Variants in TBL3 observed in about 807,000 individuals in gnomAD.
The protein encoded by TBL3 is transducin beta like 3, also known as transducin beta-like protein 3.
Under a neutral mutation model 102.7 loss-of-function variants are expected in TBL3, and 71 were observed. That is an observed-to-expected ratio of 0.69 (90% confidence interval 0.57 to 0.84). TBL3 has a LOEUF of 0.84. Ranked by LOEUF, TBL3 falls within the 40% of genes least tolerant of loss-of-function variation. The pLI, the probability that TBL3 is intolerant of heterozygous loss-of-function variation, is 0.00. For synonymous variants in TBL3, 578 were observed against 477.7 expected, an observed-to-expected ratio of 1.21 and a Z score of -2.74; for missense variants, 1,188 against 1,098.5, an observed-to-expected ratio of 1.08 and a Z score of -1.15.
rs557607202 is a variant in TBL3 at position 1,981,806 on chromosome 16, A to G, written c.*3121A>G. ...ATGCGTAATTATTGTGAGCTGTTCT[A>G]TACATGCTGGGGGAGGGGCAGACCT... On this transcript the variant is annotated 3_prime_UTR_variant, in exon 22 of 22. Transcript: ENST00000568546. 2 of 153,348 alleles carry G rather than the reference A, an allele frequency of 1.3e-5. No homozygotes were observed. The highest frequency in any genetic ancestry group is 4.8e-5 in the African/African-American group (2 of 41,554). The allele number at this position is 153,348 out of a possible 1,614,324, so 9.5% of individuals were successfully genotyped here.
chr16:1,974,954 C>G lies in TBL3; in HGVS notation c.491C>G (p.Thr164Arg). Residue 164 changes from threonine to arginine, a missense_variant, in exon 7 of 22, where the codon ACA (threonine) becomes AGA (arginine). Transcript: ENST00000568546. ...VHLVAFHPDP[T>R]RLLLFSSATD... is the part of the protein sequence containing the mutation. ...CTAGTGGCCTTCCACCCGGACCCTA[C>G]ACGCCTGCTGCTCTTCTCCTCGGCC... The G allele has an allele frequency of 1.2e-6, 2 of 1,610,594 alleles. No homozygotes were observed. The highest frequency in any genetic ancestry group is 1.1e-5 in the South Asian group (1 of 91,078).
rs1443910158 is a variant in TBL3 at position 1,979,818 on chromosome 16, C to G, written c.*1133C>G. 8.9e-6 allele frequency: 14 copies of G among 1,565,172 alleles called. No individual in the cohort carries two copies. The highest frequency in any genetic ancestry group is 1.2e-5 in the Non-Finnish European group (14 of 1,156,830). On this transcript the variant is annotated 3_prime_UTR_variant, in exon 22 of 22. Coordinates refer to ENST00000568546, the MANE Select transcript of TBL3 (RefSeq NM_006453.3). Reference sequence around the variant, plus strand: ...TGCTCCCTAGGGACGGGCCTCCCTCCCGGCCTTGGCCCGGGGCCGCCTCCT... The same window carrying G: ...TGCTCCCTAGGGACGGGCCTCCCTCGCGGCCTTGGCCCGGGGCCGCCTCCT...
Position 1,978,750 on chromosome 16 carries a change from C to T in TBL3, c.*65C>T, listed in dbSNP as rs1043283781. 1.5e-5 allele frequency: 24 copies of T among 1,560,638 alleles called. No homozygotes were observed. The highest frequency in any genetic ancestry group is 2.7e-5 in the African/African-American group (2 of 73,758). On this transcript the variant is annotated 3_prime_UTR_variant, in exon 22 of 22. Coordinates refer to ENST00000568546, the MANE Select transcript of TBL3 (RefSeq NM_006453.3). ...AAACCCATAAAGGCCGCTCTCCTGG[C>T]CGGCTCTGTCTCTCTGGACTGCAGT...
Position 1,974,866 on chromosome 16 carries a change from G to T in TBL3, c.464+19G>T, listed in dbSNP as rs367879955. ...TCGTGCAGTGAGTTGGAAGGTGGAG[G>T]GGGAGGGCAGAGGCACCACCCAGGC... On this transcript the variant is annotated intron_variant, in intron 6 of 21. Coordinates refer to ENST00000568546, the MANE Select transcript of TBL3 (RefSeq NM_006453.3). 5 of 1,613,080 alleles carry T rather than the reference G, an allele frequency of 3.1e-6. No homozygotes were observed. The highest frequency in any genetic ancestry group is 4.2e-6 in the Non-Finnish European group (5 of 1,179,950).
At position 1,975,891 on chromosome 16, in the gene TBL3, C is replaced by T. The variant is rs752732157; in HGVS notation, c.1071C>T (p.Pro357=). The T allele has an allele frequency of 1.5e-5, 24 of 1,614,048 alleles. No homozygotes were observed. The highest frequency in any genetic ancestry group is 1.9e-5 in the Non-Finnish European group (23 of 1,180,050). Reference sequence around the variant, plus strand: ...ACGTTGTCGTGGCCTCCAATAGCCCCTGCCTAAAAGTGTTTGAGCTGCAGA... The same window carrying T: ...ACGTTGTCGTGGCCTCCAATAGCCCTTGCCTAAAAGTGTTTGAGCTGCAGA... ...DSHVVVASNS[P]CLKVFELQTS... Residue 357 remains proline (P), a synonymous_variant, in exon 11 of 22, where the codon CCC becomes CCT. Transcript: ENST00000568546.
Position 1,977,140 on chromosome 16 carries a change from AC to A in TBL3, c.1528del (p.Gln510SerfsTer58). The A allele has an allele frequency of 6.2e-7, 1 of 1,613,020 alleles. No individual in the cohort carries two copies. The highest frequency in any genetic ancestry group is 8.5e-7 in the Non-Finnish European group (1 of 1,179,984). On this transcript the variant is annotated frameshift_variant, in exon 15 of 22. Coordinates refer to ENST00000568546, the MANE Select transcript of TBL3 (RefSeq NM_006453.3). LOFTEE classifies it high-confidence loss of function. ...DRTAKLWALP[Q>X]CQLLGVFSGH... The stretch of plus-strand genomic sequence containing the variant: ...GCACGGCCAAGCTCTGGGCCCTGCC[AC>A]AGTGCCAGCTGCTGGGTGTCTTCTC...
Position 1,979,609 on chromosome 16 carries a change from C to T in TBL3, c.*924C>T. ...GGACGAGGCCCGCCCGCACCCTTCTCCACATTCTCCTTGCTTGAGTCTGCT... is the reference window on the plus strand; with the variant it reads ...GGACGAGGCCCGCCCGCACCCTTCTTCACATTCTCCTTGCTTGAGTCTGCT... On this transcript the variant is annotated 3_prime_UTR_variant, in exon 22 of 22. Coordinates refer to ENST00000568546, the MANE Select transcript of TBL3 (RefSeq NM_006453.3). The T allele has an allele frequency of 7.1e-7, 1 of 1,415,966 alleles. No individual in the cohort carries two copies. Among genetic ancestry groups the T allele is most frequent in the East Asian group, 2.3e-5 (1 of 43,550 alleles). The allele number at this position is 1,415,966 out of a possible 1,614,324, so 87.7% of individuals were successfully genotyped here. A position where few individuals can be genotyped will look rare whatever the true frequency, so the allele number is the denominator to read the frequency against.
intron 1 of TBL3, 59 bp from the exon 2 acceptor site, chr16:1,973,997 C>CG: frequency 6.7e-7 from 1 of 1,483,172 alleles, no homozygotes; most frequent in East Asian, 2.4e-5. Context: ...TAGCACAGGG[C>CG]GGGGCCCTGG....
Position 1,974,966 on chromosome 16 carries a change from T to A in TBL3, c.503T>A (p.Leu168His). Residue 168 changes from leucine to histidine, a missense_variant, in exon 7 of 22, where the codon CTC (leucine) becomes CAC (histidine). Transcript: ENST00000568546. ...CACCCGGACCCTACACGCCTGCTGC[T>A]CTTCTCCTCGGCCACGGATGCCGCC... ...AFHPDPTRLL[L>H]FSSATDAAIR... is the part of the protein sequence containing the mutation. 6.2e-7 allele frequency: 1 copy of A among 1,609,734 alleles called. No individual in the cohort carries two copies. Among genetic ancestry groups the A allele is most frequent in the East Asian group, 2.2e-5 (1 of 44,878 alleles).
chr16:1,978,747 T>C lies in TBL3; in HGVS notation c.*62T>C. On this transcript the variant is annotated 3_prime_UTR_variant, in exon 22 of 22. Coordinates refer to ENST00000568546, the MANE Select transcript of TBL3 (RefSeq NM_006453.3). ...GGAAAACCCATAAAGGCCGCTCTCC[T>C]GGCCGGCTCTGTCTCTCTGGACTGC... 1.3e-6 allele frequency: 2 copies of C among 1,563,448 alleles called. No homozygotes were observed. Among genetic ancestry groups the C allele is most frequent in the East Asian group, 2.3e-5 (1 of 44,080 alleles).
intron 1 of TBL3, 96 bp from the exon 2 acceptor site, chr16:1,973,960 C>T: frequency 1.5e-6 from 2 of 1,323,830 alleles, no homozygotes; most frequent in South Asian, 1.7e-5. Flanking sequence ...GGGCAGGGGC[C>T]ATTGGGGTCA....
In TBL3 at chr16:1,978,423, G is replaced by C. The variant is rs1377524382; in HGVS notation, c.2245G>C (p.Ala749Pro). 1 of 1,610,764 alleles carries C rather than the reference G, an allele frequency of 6.2e-7. No homozygotes were observed. The highest frequency in any genetic ancestry group is 8.5e-7 in the Non-Finnish European group (1 of 1,178,812). The change falls in exon 21 of 22, where the codon GCC becomes CCC. Residue 749 changes from alanine to proline, a missense_variant. Transcript: ENST00000568546. Reference sequence around the variant, plus strand: ...GCGAGAGGCCCCCGAGGAGCTGCTGGCCTACGAAGGCGTGCGGGCAGCGCT... The same window carrying C: ...GCGAGAGGCCCCCGAGGAGCTGCTGCCCTACGAAGGCGTGCGGGCAGCGCT... ...LRREAPEELL[A>P]YEGVRAALEA... is the part of the protein sequence containing the mutation.
intron 13 of TBL3, 145 bp from the exon 14 acceptor site, chr16:1,976,669 T>C (rs1360984257): frequency 2.3e-6 from 2 of 869,786 alleles, no homozygotes; most frequent in African/African-American, 3.4e-5. Flanking sequence ...ATCCTACAGG[T>C]GCCTGGGGGT....
In TBL3 at chr16:1,975,474, C is replaced by T. The variant is rs752080786; in HGVS notation, c.805+36C>T. 3 of 1,608,372 alleles carry T rather than the reference C, an allele frequency of 1.9e-6. No individual in the cohort carries two copies. The South Asian group carries it at 3.3e-5, about 18-fold the overall frequency. ...CCGGGACATGGGCAGGCGGTAGGGG[C>T]TGGGGAAGGCCTGTGGACCTGAGAG... On this transcript the variant is annotated intron_variant, in intron 9 of 21. Coordinates refer to ENST00000568546, the MANE Select transcript of TBL3 (RefSeq NM_006453.3).
rs778750358 is a variant in TBL3, at chr16:1,981,217, G to A, written c.*2532G>A. The A allele has an allele frequency of 5.6e-6, 9 of 1,612,486 alleles. No homozygotes were observed. Among genetic ancestry groups the A allele is most frequent in the South Asian group, 2.2e-5 (2 of 91,014 alleles). On this transcript the variant is annotated 3_prime_UTR_variant, in exon 22 of 22. Coordinates refer to ENST00000568546, the MANE Select transcript of TBL3 (RefSeq NM_006453.3). Reference sequence around the variant, plus strand: ...CAGGCTGCAGATTCCTGAAATGGGCGAGGACCCTTCTGCCTCCCCGTGCTT... The same window carrying A: ...CAGGCTGCAGATTCCTGAAATGGGCAAGGACCCTTCTGCCTCCCCGTGCTT...
chr16:1,975,475 T>C, intron 9 of TBL3, 37 bp downstream of exon 9: 1 of 1,608,464 alleles, frequency 6.2e-7, no homozygotes, highest in South Asian at 1.1e-5. Context: ...CGGTAGGGGC[T>C]GGGGAAGGCC....
At chr16:1,973,423 C>A (rs1438511137) in intron 1 of TBL3, among the ~76,000 whole-genome samples, 1 of 152,090 alleles carries the variant, frequency 6.6e-6, no homozygotes, top group Non-Finnish European at 1.5e-5. Context: ...GACCCCTTCT[C>A]AGATCGAGAC....
chr16:1,974,612 G>T lies in TBL3; in HGVS notation c.312G>T (p.Trp104Cys). The T allele has an allele frequency of 6.2e-7, 1 of 1,611,702 alleles. No individual in the cohort carries two copies. The highest frequency in any genetic ancestry group is 8.5e-7 in the Non-Finnish European group (1 of 1,178,700). ...AAGAGGGCAGCGTTACCCGCCTGTG[G>T]AAGGCGATACACACGGCCCCCGTGG... ...AWQEGSVTRL[W>C]KAIHTAPVAT... The change falls in exon 5 of 22, where the codon TGG (tryptophan) becomes TGT (cysteine). Residue 104 changes from tryptophan to cysteine, a missense_variant. Trp to Cys is a radical substitution (Grantham distance 215). Coordinates refer to ENST00000568546, the MANE Select transcript of TBL3 (RefSeq NM_006453.3).
At position 1,980,713 on chromosome 16, in the gene TBL3, A is replaced by C; in HGVS notation, c.*2028A>C. The stretch of plus-strand genomic sequence containing the variant: ...CGCAGCAGGCCCGCCTCCACCGGGA[A>C]GGTCTCCTTGAGGGTCTTCTGAGGG... On this transcript the variant is annotated 3_prime_UTR_variant, in exon 22 of 22. Coordinates refer to ENST00000568546, the MANE Select transcript of TBL3 (RefSeq NM_006453.3). 6.2e-7 allele frequency: 1 copy of C among 1,604,912 alleles called. No homozygotes were observed. The highest frequency in any genetic ancestry group is 8.5e-7 in the Non-Finnish European group (1 of 1,176,096).
Sources: allele counts gnomAD v4.1 joint callset (sites outside exome capture counted in the v4.1 genomes callset), GRCh38; gene constraint gnomAD v4.1.1; transcripts MANE v1.5; gene names NCBI Gene and HGNC (gene_info 2026-07-23, HGNC 2026-07-21).